Variants in COP1 observed in about 807,000 individuals in gnomAD.
The protein encoded by COP1 is E3 ubiquitin-protein ligase COP1.
COP1 carries 24 observed loss-of-function variants against 101.3 expected under a neutral mutation model. The ratio of observed to expected loss-of-function variants is 0.24; its 90% CI spans 0.17 to 0.33. The LOEUF (loss-of-function observed/expected upper bound fraction) is 0.33. Ranked by LOEUF, COP1 falls within the 10% of genes least tolerant of loss-of-function variation. The pLI, the probability that COP1 is intolerant of heterozygous loss-of-function variation, is 1.00. For synonymous variants in COP1, 347 were observed against 341.9 expected (o/e 1.01, Z -0.17); for missense variants, 663 against 906.2 (o/e 0.73, Z 3.45).
chr1:175,946,329 T>C (rs1649168309), intron 19 of COP1, among the ~76,000 whole-genome samples: 1 of 152,222 alleles, frequency 6.6e-6, no homozygotes, highest in African/African-American at 2.4e-5. Flanking sequence ...AGTTTGCTCA[T>C]TTCACCTCTG....
chr1:176,098,882 G>A (rs1682885504), intron 9 of COP1, among the ~76,000 whole-genome samples: 1 of 152,146 alleles, frequency 6.6e-6, no homozygotes, highest in East Asian at 1.9e-4. Flanking sequence ...AGTCCCTGGA[G>A]TATCCAAATG....
intron 18 of COP1, among the ~76,000 whole-genome samples, chr1:175,977,049 C>CATT (rs1654765373): frequency 6.6e-6 from 1 of 152,112 alleles, no homozygotes; most frequent in Non-Finnish European, 1.5e-5. Flanking sequence ...TGAGTCATGG[C>CATT]ATTACTGCTT....
At chr1:176,048,156 C>G (rs1184726929) in intron 11 of COP1, among the ~76,000 whole-genome samples, 3 of 148,860 alleles carry the variant, frequency 2.0e-5, no homozygotes, top group Non-Finnish European at 4.5e-5. Context: ...GCTTTAAATG[C>G]TTCCTTAATT....
Position 176,175,838 on chromosome 1 carries a change from A to C in COP1, c.565+72T>G. 3.7e-6 allele frequency: 3 copies of C among 821,624 alleles called. No homozygotes were observed. In the South Asian group the frequency reaches 4.9e-5, roughly 13 times the overall value. 50.9% of individuals were successfully genotyped at this position (821,624 alleles called of 1,614,324 possible). A position where few individuals can be genotyped will look rare whatever the true frequency, so the allele number is the denominator to read the frequency against. ...GCTTACCACTAAGGTAGGTTTTCTGAATAAATTAGCGCTAGCACACAATTT... is the reference window on the plus strand; with the variant it reads ...GCTTACCACTAAGGTAGGTTTTCTGCATAAATTAGCGCTAGCACACAATTT... On this transcript the variant is annotated intron_variant, in intron 3 of 19. Transcript: ENST00000367669.
chr1:176,034,082 T>C (rs1353043859), intron 14 of COP1, among the ~76,000 whole-genome samples: 1 of 151,740 alleles, frequency 6.6e-6, no homozygotes, highest in Non-Finnish European at 1.5e-5. Flanking sequence ...CTGGACAATA[T>C]CCAAAAAACA....
At chr1:176,023,544 C>T (rs1156333795) in intron 15 of COP1, among the ~76,000 whole-genome samples, 7 of 151,484 alleles carry the variant, frequency 4.6e-5, no homozygotes, top group Middle Eastern at 6.8e-3. Context: ...CATGGTGAAA[C>T]CCCATCTCTA....
chr1:175,957,031 G>A (rs936299635), intron 18 of COP1, among the ~76,000 whole-genome samples: 1 of 152,054 alleles, frequency 6.6e-6, no homozygotes, highest in South Asian at 2.1e-4. Context: ...GCTGTACAAT[G>A]TGTTTGTGTT....
At chr1:176,013,762 C>T (rs4631649) in intron 15 of COP1, among the ~76,000 whole-genome samples, 150,058 of 152,328 alleles carry the variant, frequency 0.99, 73,962 homozygotes, top group East Asian at 1. Flanking sequence ...ATTACTAACA[C>T]AGTGTTTTAC....
At chr1:176,081,425 C>G in intron 10 of COP1, 138 bp from the exon 11 acceptor site, 2 of 602,656 alleles carry the variant, frequency 3.3e-6, no homozygotes, top group Non-Finnish European at 2.6e-6. Context: ...GACTAGTTTA[C>G]ACAATTTAAT....
intron 18 of COP1, among the ~76,000 whole-genome samples, chr1:175,978,877 GA>G (rs778736111): frequency 7.9e-5 from 12 of 152,242 alleles, no homozygotes; most frequent in Middle Eastern, 3.4e-3. Flanking sequence ...TATAAGTGTG[GA>G]AAGTTAGTAT....
At chr1:175,963,907 A>G (rs972472372) in intron 18 of COP1, among the ~76,000 whole-genome samples, 2 of 152,186 alleles carry the variant, frequency 1.3e-5, no homozygotes, top group African/African-American at 2.4e-5. Flanking sequence ...TGCAGAGAAT[A>G]TATTTTCATA....
At chr1:176,135,722 T>TTAATACATAATTAATACATAA (rs1312046102) in intron 7 of COP1, among the ~76,000 whole-genome samples, 3 of 152,016 alleles carry the variant, frequency 2.0e-5, no homozygotes, top group Admixed American at 6.6e-5. Context: ...TGTACTAACT[T>TTAATACATAATTAATACATAA]TGATTAATGA....
At chr1:175,952,836 G>A (rs1307209491) in intron 18 of COP1, among the ~76,000 whole-genome samples, 1 of 152,160 alleles carries the variant, frequency 6.6e-6, no homozygotes, top group African/African-American at 2.4e-5. Context: ...AGGATCTCTT[G>A]AGCCTAGGAG....
At chr1:175,988,600 A>C (rs923347129) in intron 16 of COP1, 188 bp from the exon 17 acceptor site, 1 of 463,652 alleles carries the variant, frequency 2.2e-6, no homozygotes, top group African/African-American at 2.0e-5. Flanking sequence ...TGGTAGGCCG[A>C]GGCAGGTGGA....
chr1:176,161,524 G>C (rs547330225), intron 5 of COP1, among the ~76,000 whole-genome samples: 3 of 152,090 alleles, frequency 2.0e-5, no homozygotes, highest in Non-Finnish European at 4.4e-5. Flanking sequence ...CTTGAGCCCA[G>C]GGGGTAGAGG....
At chr1:176,174,083 A>G (rs556842897) in intron 3 of COP1, among the ~76,000 whole-genome samples, 39 of 136,032 alleles carry the variant, frequency 2.9e-4, no homozygotes, top group Non-Finnish European at 4.7e-4. Context: ...CCATACTCAT[A>G]TATAACTCTC....
chr1:176,071,473 T>TCCTC (rs1676998974), intron 11 of COP1, among the ~76,000 whole-genome samples: 1 of 152,190 alleles, frequency 6.6e-6, no homozygotes, highest in African/African-American at 2.4e-5. Flanking sequence ...CACTACCATG[T>TCCTC]ACATCACTCT....
Position 176,175,951 on chromosome 1 carries a change from T to C in COP1, c.524A>G (p.Tyr175Cys), listed in dbSNP as rs143954131. 2.5e-5 allele frequency: 39 copies of C among 1,589,400 alleles called. No individual in the cohort carries two copies. The highest frequency in any genetic ancestry group is 3.4e-5 in the Non-Finnish European group (39 of 1,159,904). The stretch of plus-strand genomic sequence containing the variant: ...CAGATGGTCAATATTGTCCACAACA[T>C]AGTTACACTTGGGACATCTATTATT... The part of the protein sequence containing the change: ...EDNNRCPKCN[Y>C]VVDNIDHLYP... The change falls in exon 3 of 20, where the codon TAT becomes TGT. Residue 175 changes from tyrosine to cysteine, a missense_variant. Transcript: ENST00000367669.
Position 176,101,085 on chromosome 1 carries a change from G to T in COP1, c.1027-15195C>A, listed in dbSNP as rs572255279. On this transcript the variant is annotated intron_variant, in intron 9 of 19. Coordinates refer to ENST00000367669, the MANE Select transcript of COP1 (RefSeq NM_022457.7). ...ATAAATAAGGTCTAGGGAATTCAAA[G>T]GCTACTGACAGCAGGGGACATAAGG... 9.9e-5 allele frequency among the ~76,000 whole-genome samples: 15 copies of T among 152,266 alleles called. No individual in the cohort carries two copies. In the South Asian group the frequency reaches 2.7e-3, roughly 27 times the overall value.
Sources: allele counts gnomAD v4.1 joint callset (sites outside exome capture counted in the v4.1 genomes callset), GRCh38; gene constraint gnomAD v4.1.1; transcripts MANE v1.5; gene names NCBI Gene and HGNC (gene_info 2026-07-23, HGNC 2026-07-21).